Variants in ARNT2 observed in about 807,000 individuals in gnomAD.
ARNT2 encodes the protein ARNT protein 2.
In ARNT2, 36 loss-of-function variants were observed where a neutral mutation model predicts 91.7. The ratio of observed to expected loss-of-function variants is 0.39; its 90% CI spans 0.30 to 0.52. ARNT2 has a LOEUF of 0.52. ARNT2 is among the 20% of genes least tolerant of loss of function. ARNT2 has a pLI of 0.72. For missense variants in ARNT2, 775 were observed against 939.3 expected, an observed-to-expected ratio of 0.83 and a Z score of 2.29; for synonymous variants, 365 against 347.1, an observed-to-expected ratio of 1.05 and a Z score of -0.57.
At chr15:80,489,075 G>A (rs1256499938) in intron 5 of ARNT2, among the ~76,000 whole-genome samples, 1 of 152,158 alleles carries the variant, frequency 6.6e-6, no homozygotes, top group Non-Finnish European at 1.5e-5. Flanking sequence ...ATTGCTTCTT[G>A]CTGGTATGAT....
chr15:80,562,451 A>G (rs1898381730), intron 11 of ARNT2, among the ~76,000 whole-genome samples: 1 of 152,194 alleles, frequency 6.6e-6, no homozygotes, highest in South Asian at 2.1e-4. Flanking sequence ...GTAAATAATA[A>G]AACTCATCTT....
Position 80,580,464 on chromosome 15 carries a change from C to CG in ARNT2, c.1670dup (p.Gln558ProfsTer84). ...AATGATATTCAGTCCTCTTCTTCCA[C>CG]GGGCCAGAACATGTCCCAAATCTCC... On this transcript the variant is annotated frameshift_variant, in exon 16 of 19. Coordinates refer to ENST00000303329, the MANE Select transcript of ARNT2 (RefSeq NM_014862.4). LOFTEE classifies it high-confidence loss of function. The CG allele has an allele frequency of 1.2e-6, 2 of 1,614,158 alleles. No individual in the cohort carries two copies. Among genetic ancestry groups the CG allele is most frequent in the Non-Finnish European group, 1.7e-6 (2 of 1,180,024 alleles).
chr15:80,559,525 G>T (rs576255374), intron 11 of ARNT2, among the ~76,000 whole-genome samples: 20 of 152,364 alleles, frequency 1.3e-4, no homozygotes, highest in Non-Finnish European at 2.4e-4. Context: ...GGCTACGTCA[G>T]CTAAGAGCCA....
chr15:80,563,415 CT>C (rs1308044669), intron 12 of ARNT2, among the ~76,000 whole-genome samples, 176 bp downstream of exon 12: 1 of 152,212 alleles, frequency 6.6e-6, no homozygotes, highest in African/African-American at 2.4e-5. Context: ...TCCCATGTTC[CT>C]CCTTCTCATT....
At chr15:80,581,161 G>T in intron 16 of ARNT2, 78 bp from the exon 17 acceptor site, 2 of 1,556,562 alleles carry the variant, frequency 1.3e-6, no homozygotes, top group South Asian at 2.3e-5. Context: ...CTGCCCCTGC[G>T]ACCAGCCTGG....
At chr15:80,409,536 G>C (rs1487720926) in intron 1 of ARNT2, among the ~76,000 whole-genome samples, 1 of 151,708 alleles carries the variant, frequency 6.6e-6, no homozygotes, top group African/African-American at 2.4e-5. Context: ...GAAGCTGCTA[G>C]GGGCTAATAC....
At chr15:80,455,261 T>C (rs962455266) in intron 2 of ARNT2, among the ~76,000 whole-genome samples, 1 of 152,204 alleles carries the variant, frequency 6.6e-6, no homozygotes, top group Non-Finnish European at 1.5e-5. Context: ...TTCGGGTGGA[T>C]TGAGTCATCC....
At chr15:80,498,914 T>A (rs1188007302) in intron 5 of ARNT2, among the ~76,000 whole-genome samples, 1 of 152,166 alleles carries the variant, frequency 6.6e-6, no homozygotes, top group Non-Finnish European at 1.5e-5. Context: ...CCAGAGCAGT[T>A]GTACTGTGAA....
intron 1 of ARNT2, among the ~76,000 whole-genome samples, chr15:80,437,255 T>C (rs1896101826): frequency 6.6e-6 from 1 of 152,186 alleles, no homozygotes; most frequent in Admixed American, 6.5e-5. Context: ...AGGCCACTGT[T>C]ACCTCTTGCC....
At chr15:80,509,915 C>T (rs886633381) in intron 6 of ARNT2, among the ~76,000 whole-genome samples, 4 of 152,104 alleles carry the variant, frequency 2.6e-5, no homozygotes, top group East Asian at 1.9e-4. Flanking sequence ...GATGTTAGGT[C>T]GTGTTGACTT....
At chr15:80,482,835 C>T (rs1405464779) in intron 5 of ARNT2, among the ~76,000 whole-genome samples, 1 of 152,172 alleles carries the variant, frequency 6.6e-6, no homozygotes, top group Non-Finnish European at 1.5e-5. Flanking sequence ...TCTGGAGGCC[C>T]AGAGATCTGT....
rs1292651715 is a variant in ARNT2, at chr15:80,514,356, A to G, written c.828A>G (p.Gln276=). 4.3e-6 allele frequency: 7 copies of G among 1,614,086 alleles called. No individual in the cohort carries two copies. The highest frequency in any genetic ancestry group is 5.1e-6 in the Non-Finnish European group (6 of 1,180,034). ...GLGPVKEGEA[Q]YAVVHCTGYI... ...GCCCTGTGAAAGAAGGAGAAGCCCA[A>G]TATGCTGTGGTCCACTGTACAGGAT... Residue 276 remains glutamine (Q), a synonymous_variant, in exon 8 of 19, where the codon CAA becomes CAG. Coordinates refer to ENST00000303329, the MANE Select transcript of ARNT2 (RefSeq NM_014862.4).
intron 1 of ARNT2, among the ~76,000 whole-genome samples, chr15:80,415,415 C>A (rs575812056): frequency 6.6e-6 from 1 of 152,192 alleles, no homozygotes; most frequent in African/African-American, 2.4e-5. Context: ...GCAGGAGAGT[C>A]GGCCATTTAT....
intron 5 of ARNT2, among the ~76,000 whole-genome samples, chr15:80,494,573 G>A (rs902573958): frequency 6.6e-6 from 1 of 152,220 alleles, no homozygotes; most frequent in African/African-American, 2.4e-5. Flanking sequence ...AGATTAAATA[G>A]CAGAAGAGGT....
intron 5 of ARNT2, among the ~76,000 whole-genome samples, chr15:80,494,255 T>G (rs545163104): frequency 3.9e-5 from 6 of 152,164 alleles, no homozygotes; most frequent in African/African-American, 1.2e-4. Context: ...CCTTTTACTG[T>G]TTTTCTTCAT....
At chr15:80,458,361 C>T (rs1024828787) in intron 3 of ARNT2, among the ~76,000 whole-genome samples, 1 of 151,938 alleles carries the variant, frequency 6.6e-6, no homozygotes, top group Non-Finnish European at 1.5e-5. Flanking sequence ...TTCATTCTTC[C>T]TGAAAAGCCC....
chr15:80,464,098 A>G (rs531636029), intron 3 of ARNT2, among the ~76,000 whole-genome samples: 1 of 152,164 alleles, frequency 6.6e-6, no homozygotes, highest in Non-Finnish European at 1.5e-5. Context: ...GGAAGCTGCT[A>G]GGCATATTCT....
At chr15:80,424,507 G>T (rs1895906265) in intron 1 of ARNT2, among the ~76,000 whole-genome samples, 1 of 152,188 alleles carries the variant, frequency 6.6e-6, no homozygotes, top group Admixed American at 6.5e-5. Flanking sequence ...CCTTCCACGG[G>T]CTGCTCTTCC....
At chr15:80,566,896 T>A (rs566426914) in intron 12 of ARNT2, among the ~76,000 whole-genome samples, 3 of 152,318 alleles carry the variant, frequency 2.0e-5, no homozygotes, top group African/African-American at 7.2e-5. Flanking sequence ...AAAAAGATAA[T>A]ACTATTTTAC....
Sources: allele counts gnomAD v4.1 joint callset (sites outside exome capture counted in the v4.1 genomes callset), GRCh38; gene constraint gnomAD v4.1.1; transcripts MANE v1.5; gene names NCBI Gene and HGNC (gene_info 2026-07-23, HGNC 2026-07-21).